Variants in SORCS2 observed in about 807,000 individuals in gnomAD.
The protein encoded by SORCS2 is VPS10 domain-containing receptor SorCS2.
In SORCS2, 100 loss-of-function variants were observed where a neutral mutation model predicts 141.6. That is an observed-to-expected ratio of 0.71 (90% confidence interval 0.60 to 0.83). The LOEUF (loss-of-function observed/expected upper bound fraction) is 0.83, where lower values mean the gene tolerates loss of function less well. Ranked by LOEUF, SORCS2 falls within the 40% of genes least tolerant of loss-of-function variation. The pLI is 0.00. For missense variants in SORCS2, 1,646 were observed against 1,560.2 expected, an observed-to-expected ratio of 1.05 and a Z score of -0.93; for synonymous variants, 789 against 676.9, an observed-to-expected ratio of 1.17 and a Z score of -2.57.
intron 15 of SORCS2, among the ~76,000 whole-genome samples, 151 bp downstream of exon 15, chr4:7,713,004 C>G (rs1475564426): frequency 1.3e-5 from 2 of 152,130 alleles, no homozygotes; most frequent in Non-Finnish European, 2.9e-5. Context: ...TTGAGATGTC[C>G]AGGCCTCCTG....
intron 1 of SORCS2, among the ~76,000 whole-genome samples, chr4:7,330,878 C>T (rs554514507): frequency 6.6e-6 from 1 of 152,080 alleles, no homozygotes; most frequent in Non-Finnish European, 1.5e-5. Flanking sequence ...GACGTGGACT[C>T]GCGGCCGCCA....
rs918002611 is a variant in SORCS2, at chr4:7,434,213, G to C, written c.548+37858G>C. 1.9e-6 allele frequency: 3 copies of C among 1,613,752 alleles called. No homozygotes were observed. The highest frequency in any genetic ancestry group is 2.5e-6 in the Non-Finnish European group (3 of 1,179,914). On this transcript the variant is annotated intron_variant, in intron 2 of 26. Transcript: ENST00000507866. ...AACTGGAAGAGGTAGTTCTTGCAGA[G>C]GACGGCCAGGCCAGGCCCCAAGGAC...
chr4:7,203,373 G>A (rs1302228535), intron 1 of SORCS2, among the ~76,000 whole-genome samples: 1 of 152,224 alleles, frequency 6.6e-6, no homozygotes, highest in Non-Finnish European at 1.5e-5. Context: ...GTAGTGAGCC[G>A]AGATTGTGCC....
chr4:7,601,616 CAAAAAAAAAA>C (rs1168678841), intron 3 of SORCS2, among the ~76,000 whole-genome samples: 29 of 45,632 alleles, frequency 6.4e-4, no homozygotes, highest in East Asian at 1.9e-3. Flanking sequence ...AAGACTCTCT[CAAAAAAAAAA>C]AAAAAAAAAA....
chr4:7,712,559 G>A (rs140529045), intron 14 of SORCS2, among the ~76,000 whole-genome samples, 174 bp from the exon 15 acceptor site: 25 of 152,364 alleles, frequency 1.6e-4, no homozygotes, highest in Non-Finnish European at 3.1e-4. Context: ...CACGTGTGCA[G>A]GGCCAGGCTC....
chr4:7,258,115 A>G (rs949128337), intron 1 of SORCS2, among the ~76,000 whole-genome samples: 9 of 152,282 alleles, frequency 5.9e-5, no homozygotes, highest in African/African-American at 1.9e-4. Context: ...GGCTCTGTCC[A>G]CACCTCTGTG....
At chr4:7,345,017 C>T (rs563006461) in intron 1 of SORCS2, among the ~76,000 whole-genome samples, 1 of 152,048 alleles carries the variant, frequency 6.6e-6, no homozygotes, top group Non-Finnish European at 1.5e-5. Context: ...GGCCTGTTGT[C>T]CCTCCTGCTG....
At chr4:7,420,609 T>C (rs1456988218) in intron 2 of SORCS2, among the ~76,000 whole-genome samples, 1 of 152,042 alleles carries the variant, frequency 6.6e-6, no homozygotes, top group Non-Finnish European at 1.5e-5. Flanking sequence ...CTGGTGTCAC[T>C]GGAGGGGCTG....
Position 7,266,437 on chromosome 4 carries a change from T to A in SORCS2, c.480+73311T>A, listed in dbSNP as rs183516085. On this transcript the variant is annotated intron_variant, in intron 1 of 26. Coordinates refer to ENST00000507866, the MANE Select transcript of SORCS2 (RefSeq NM_020777.3). The stretch of plus-strand genomic sequence containing the variant: ...CCCTTCTTTCTTTCAGGAGACCCGT[T>A]GAACACCTTCCCTGTGCCACCTTCT... 2.6e-5 allele frequency among the ~76,000 whole-genome samples: 4 copies of A among 152,336 alleles called. No individual in the cohort carries two copies. In the East Asian group the frequency reaches 7.7e-4, roughly 29 times the overall value.
At position 7,662,160 on chromosome 4, in the gene SORCS2, A is replaced by T. The variant is rs1218260753; in HGVS notation, c.952+596A>T. Among the ~76,000 whole-genome samples, 4 of 152,198 alleles carry T rather than the reference A, an allele frequency of 2.6e-5. No homozygotes were observed. In the East Asian group the frequency reaches 7.8e-4, roughly 30 times the overall value. On this transcript the variant is annotated intron_variant, in intron 6 of 26. Coordinates refer to ENST00000507866, the MANE Select transcript of SORCS2 (RefSeq NM_020777.3). ...GAAATAAGTGAATGCAGAGTCCTCA[A>T]CGCGGGGTCATCATGGCCAAGCTTT...
At chr4:7,454,236 T>A (rs1440083217) in intron 2 of SORCS2, among the ~76,000 whole-genome samples, 4 of 87,066 alleles carry the variant, frequency 4.6e-5, no homozygotes, top group Admixed American at 1.5e-4. Flanking sequence ...TGGGGTCAGG[T>A]GCTGTGTGTT....
At chr4:7,624,756 A>G (rs1223294121) in intron 3 of SORCS2, among the ~76,000 whole-genome samples, 1 of 152,278 alleles carries the variant, frequency 6.6e-6, no homozygotes, top group Non-Finnish European at 1.5e-5. Flanking sequence ...CCAGAGAATT[A>G]GCCGTCTGCT....
chr4:7,298,975 G>T (rs1047397581), intron 1 of SORCS2, among the ~76,000 whole-genome samples: 6 of 152,276 alleles, frequency 3.9e-5, no homozygotes, highest in African/African-American at 1.2e-4. Flanking sequence ...TCGCAGAGTT[G>T]TGCAAATTGC....
At chr4:7,464,765 T>C (rs1466242662) in intron 2 of SORCS2, among the ~76,000 whole-genome samples, 1 of 152,258 alleles carries the variant, frequency 6.6e-6, no homozygotes, top group Non-Finnish European at 1.5e-5. Context: ...GTCCAGACTT[T>C]CTGAACTTCC....
chr4:7,235,250 C>T (rs952879048), intron 1 of SORCS2, among the ~76,000 whole-genome samples: 3 of 152,258 alleles, frequency 2.0e-5, no homozygotes, highest in Non-Finnish European at 4.4e-5. Flanking sequence ...GTACCCCACC[C>T]TTCTGCTGCC....
At chr4:7,294,530 C>G (rs575951999) in intron 1 of SORCS2, among the ~76,000 whole-genome samples, 1 of 149,590 alleles carries the variant, frequency 6.7e-6, no homozygotes, top group Non-Finnish European at 1.5e-5. Flanking sequence ...CAGGGAGCTC[C>G]TCCTCCATGC....
intron 1 of SORCS2, among the ~76,000 whole-genome samples, chr4:7,320,423 C>T (rs1410451468): frequency 2.6e-5 from 4 of 152,226 alleles, no homozygotes; most frequent in Non-Finnish European, 1.5e-5. Flanking sequence ...AAAGGATGAA[C>T]ATAGAAGAGG....
intron 1 of SORCS2, among the ~76,000 whole-genome samples, chr4:7,322,193 A>G (rs538033849): frequency 1.3e-5 from 2 of 152,276 alleles, no homozygotes; most frequent in South Asian, 4.1e-4. Context: ...CCACATGGCC[A>G]GGGCCTGGAG....
chr4:7,562,128 C>G (rs16840497), intron 3 of SORCS2, among the ~76,000 whole-genome samples: 2 of 152,150 alleles, frequency 1.3e-5, no homozygotes, highest in Admixed American at 6.5e-5. Flanking sequence ...AATTGAACTT[C>G]TCGATTGATT....
Sources: gnomAD v4.1 joint callset for allele counts (sites outside exome capture counted in the v4.1 genomes callset) on GRCh38, gnomAD v4.1.1 for gene constraint, MANE v1.5 for transcripts, NCBI Gene and HGNC (gene_info 2026-07-23, HGNC 2026-07-21) for gene names.